The following DECR1 variants were observed in gnomAD, a reference collection of about 807,000 sequenced individuals.
DECR1 encodes the protein 2,4-dienoyl-CoA reductase [(3E)-enoyl-CoA-producing], mitochondrial.
In DECR1, 44 loss-of-function variants were observed where a neutral mutation model predicts 38.8. The observed-to-expected ratio is 1.13, with a 90% confidence interval of 0.89 to 1.46. The LOEUF (loss-of-function observed/expected upper bound fraction) is 1.46, where lower values mean the gene tolerates loss of function less well. Ranked by LOEUF, DECR1 falls within the 40% of genes most tolerant of loss-of-function variation. DECR1 has a pLI of 0.00. For synonymous variants in DECR1, 148 were observed against 135.2 expected (o/e 1.09, Z -0.66); for missense variants, 428 against 405.5 (o/e 1.06, Z -0.48).
chr8:90,017,296 G>A lies in DECR1; in HGVS notation c.242G>A (p.Ser81Asn). ...LGKGMTTLLS[S>N]LGAQCVIASR... ...AAAGGAATGACAACTCTTCTGTCCA[G>A]CCTAGGTGCTCAGTGCGTGATAGCC... Residue 81 changes from serine to asparagine, a missense_variant, in exon 2 of 10, where the codon AGC (serine) becomes AAC (asparagine). By Grantham distance (46) the Ser-to-Asn change is conservative. Coordinates refer to ENST00000220764, the MANE Select transcript of DECR1 (RefSeq NM_001359.2). 5.0e-6 allele frequency: 8 copies of A among 1,614,170 alleles called. No individual in the cohort carries two copies. Among genetic ancestry groups the A allele is most frequent in the African/African-American group, 2.7e-5 (2 of 75,040 alleles).
At chr8:90,025,176 TTTGGCTTAGGA>T (rs1813297213) in intron 5 of DECR1, among the ~76,000 whole-genome samples, 1 of 152,224 alleles carries the variant, frequency 6.6e-6, no homozygotes, top group South Asian at 2.1e-4. Flanking sequence ...GCTTTGTTCT[TTTGGCTTAGGA>T]TTGTCTTGGC....
chr8:90,005,788 C>G (rs1380100679), intron 1 of DECR1: 1 of 305,498 alleles, frequency 3.3e-6, no homozygotes, highest in Non-Finnish European at 6.4e-6. Context: ...TGGACAAGTT[C>G]AAGACTGGGC....
chr8:90,044,908 T>A lies in DECR1; in HGVS notation c.798T>A (p.Ile266=). 3 of 1,613,536 alleles carry A rather than the reference T, an allele frequency of 1.9e-6. No homozygotes were observed. Among genetic ancestry groups the A allele is most frequent in the Non-Finnish European group, 2.5e-6 (3 of 1,179,632 alleles). Residue 266 remains isoleucine, a synonymous_variant, in exon 8 of 10, where the codon ATT becomes ATA. Coordinates refer to ENST00000220764, the MANE Select transcript of DECR1 (RefSeq NM_001359.2). The part of the protein sequence containing the change: ...GTFEKEMIGR[I]PCGRLGTVEE... ...TTGAGAAAGAAATGATTGGCAGAAT[T>A]CCCTGTGGTCGCCTGGGGACTGTAG...
At chr8:90,049,382 AACAG>A (rs1814006082) in intron 8 of DECR1, among the ~76,000 whole-genome samples, 1 of 152,204 alleles carries the variant, frequency 6.6e-6, no homozygotes, top group Admixed American at 6.5e-5. Context: ...TTACACCAAT[AACAG>A]ACAAGCAGAG....
intron 6 of DECR1, among the ~76,000 whole-genome samples, chr8:90,038,561 C>A (rs1330665075): frequency 6.7e-6 from 1 of 148,190 alleles, no homozygotes; most frequent in Non-Finnish European, 1.5e-5. Context: ...TGGGTTCAAG[C>A]GATTCTCCTG....
At chr8:90,019,058 A>G (rs753515489) in intron 3 of DECR1, 28 bp from the exon 4 acceptor site, 5 of 1,610,214 alleles carry the variant, frequency 3.1e-6, no homozygotes, top group Non-Finnish European at 4.2e-6. Flanking sequence ...AAGCTGGAAA[A>G]TGTCATATTC....
chr8:90,042,917 G>T, intron 7 of DECR1, 117 bp downstream of exon 7: 1 of 840,140 alleles, frequency 1.2e-6, no homozygotes. Context: ...TAGAGCCCTG[G>T]TTCTAGGGAA....
intron 5 of DECR1, among the ~76,000 whole-genome samples, chr8:90,025,233 A>G (rs1285565548): frequency 6.6e-6 from 1 of 152,176 alleles, no homozygotes; most frequent in East Asian, 1.9e-4. Flanking sequence ...ATGAACTTTA[A>G]AGTAGTTTTT....
chr8:90,020,978 A>G lies in DECR1; in HGVS notation c.487A>G (p.Thr163Ala). The G allele has an allele frequency of 6.3e-7, 1 of 1,596,570 alleles. No homozygotes were observed. The highest frequency in any genetic ancestry group is 8.5e-7 in the Non-Finnish European group (1 of 1,173,338). ...TERLSPNAWK[T>A]ITDIVLNGTA... ...AAGACTTTCTCCTAATGCTTGGAAA[A>G]CCATAACTGACATAGTTCTAAATGG... Residue 163 changes from threonine (T) to alanine (A), a missense_variant, in exon 5 of 10, where the codon ACC becomes GCC. Transcript: ENST00000220764.
chr8:90,006,597 G>C (rs547946973), intron 1 of DECR1, among the ~76,000 whole-genome samples: 3 of 152,338 alleles, frequency 2.0e-5, no homozygotes, highest in Admixed American at 1.3e-4. Flanking sequence ...CATGCATTGG[G>C]TTTGGAGACA....
At chr8:90,006,226 C>T in intron 1 of DECR1, 1 of 704,110 alleles carries the variant, frequency 1.4e-6, no homozygotes, top group Non-Finnish European at 2.6e-6. Flanking sequence ...GAACTTCTCA[C>T]AGTAGGGAGA....
intron 1 of DECR1, chr8:90,015,738 T>G (rs1026532292): frequency 2.2e-6 from 1 of 448,620 alleles, no homozygotes; most frequent in African/African-American, 2.0e-5. Flanking sequence ...ATAACCTCCC[T>G]GGTGTGACCA....
At chr8:90,019,527 C>A (rs887990369) in intron 4 of DECR1, among the ~76,000 whole-genome samples, 19 of 152,312 alleles carry the variant, frequency 1.2e-4, no homozygotes, top group Middle Eastern at 6.8e-3. Context: ...GCAGAAATTT[C>A]TAGAAAAGGG....
At chr8:90,040,056 G>A (rs1025758532) in intron 6 of DECR1, among the ~76,000 whole-genome samples, 4 of 152,154 alleles carry the variant, frequency 2.6e-5, no homozygotes, top group African/African-American at 9.7e-5. Flanking sequence ...GATCATGCTA[G>A]CAATTGAACA....
intron 5 of DECR1, 40 bp from the exon 6 acceptor site, chr8:90,036,801 A>T (rs775280521): frequency 6.1e-6 from 8 of 1,309,832 alleles, no homozygotes; most frequent in African/African-American, 5.8e-5. Flanking sequence ...GTAGTGATAC[A>T]TCTATATTGC....
intron 1 of DECR1, among the ~76,000 whole-genome samples, chr8:90,011,958 G>T (rs1812893752): frequency 6.6e-6 from 1 of 152,056 alleles, no homozygotes; most frequent in Non-Finnish European, 1.5e-5. Flanking sequence ...TATTATAGAT[G>T]ATAAAATTTT....
chr8:90,046,865 G>C (rs1428250344), intron 8 of DECR1, among the ~76,000 whole-genome samples: 1 of 152,228 alleles, frequency 6.6e-6, no homozygotes, highest in Non-Finnish European at 1.5e-5. Context: ...TCAGAAGAAA[G>C]TGGGGGCCAA....
intron 1 of DECR1, among the ~76,000 whole-genome samples, chr8:90,011,477 G>A (rs1300970497): frequency 1.3e-5 from 2 of 152,058 alleles, no homozygotes; most frequent in African/African-American, 4.8e-5. Context: ...GCTTGTCGAC[G>A]TTCACAAAAA....
chr8:90,022,484 G>A (rs187015692), intron 5 of DECR1, among the ~76,000 whole-genome samples: 1 of 152,154 alleles, frequency 6.6e-6, no homozygotes, highest in African/African-American at 2.4e-5. Flanking sequence ...TTTTGGATAA[G>A]TGTTTTATTT....
Sources: gnomAD v4.1 joint callset for allele counts (sites outside exome capture counted in the v4.1 genomes callset) on GRCh38, gnomAD v4.1.1 for gene constraint, MANE v1.5 for transcripts, NCBI Gene and HGNC (gene_info 2026-07-23, HGNC 2026-07-21) for gene names.